SLC25A46: variants seen among roughly 807,000 people sequenced by gnomAD.
SLC25A46 encodes the protein mitochondrial outer membrane protein SLC25A46.
In SLC25A46, 39 loss-of-function variants were observed where a neutral mutation model predicts 44.6. The observed-to-expected ratio is 0.87, with a 90% CI of 0.68 to 1.14. The LOEUF (loss-of-function observed/expected upper bound fraction) is 1.14, where lower values mean the gene tolerates loss of function less well. SLC25A46 is among the 50% of genes most tolerant of loss of function. The pLI is 0.00. For synonymous variants in SLC25A46, 202 were observed against 185.8 expected (o/e 1.09, Z -0.71); for missense variants, 547 against 522.7 (o/e 1.05, Z -0.45).
In SLC25A46 at chr5:110,744,656, A is replaced by G. The variant is rs527363497; in HGVS notation, c.384+869A>G. Among the ~76,000 whole-genome samples the G allele has an allele frequency of 2.6e-5, 4 of 152,362 alleles. No individual in the cohort carries two copies. The East Asian group carries it at 5.8e-4, about 22-fold the overall frequency. The stretch of plus-strand genomic sequence containing the variant: ...ATTCTGAGTTTTAGTTGAAAATTCA[A>G]ACTTATCATTGACAGTAAATACTGT... On this transcript the variant is annotated intron_variant, in intron 3 of 7. Coordinates refer to ENST00000355943, the MANE Select transcript of SLC25A46 (RefSeq NM_138773.4).
rs768960064 is a variant in SLC25A46, at chr5:110,742,076, A to G, written c.313A>G (p.Ile105Val). ...EQLNRFAGFGIGLASLFTENV... is the reference protein window; with the variant it reads ...EQLNRFAGFGVGLASLFTENV... ...GCTGAATAGATTTGCTGGATTTGGTATTGGACTTGCAAGGTAATGTTTTAT... is the reference window on the plus strand; with the variant it reads ...GCTGAATAGATTTGCTGGATTTGGTGTTGGACTTGCAAGGTAATGTTTTAT... The change falls in exon 2 of 8, where the codon ATT becomes GTT. Residue 105 changes from isoleucine (I) to valine (V), a missense_variant. By Grantham distance (29) the Ile-to-Val change is conservative (BLOSUM62 3). Transcript: ENST00000355943. The G allele has an allele frequency of 6.4e-6, 10 of 1,573,710 alleles. No individual in the cohort carries two copies. The highest frequency in any genetic ancestry group is 7.8e-6 in the Non-Finnish European group (9 of 1,159,224).
chr5:110,759,930 C>T (rs373386200), intron 7 of SLC25A46, among the ~76,000 whole-genome samples: 9 of 152,114 alleles, frequency 5.9e-5, no homozygotes, highest in African/African-American at 2.2e-4. Flanking sequence ...TGCTCCTCCA[C>T]TCACGATGGG....
rs1005581605 is a variant in SLC25A46 at position 110,756,636 on chromosome 5, A to T, written c.621-66A>T. 36 of 1,047,754 alleles carry T rather than the reference A, an allele frequency of 3.4e-5. No individual in the cohort carries two copies. The African/African-American group carries it at 4.8e-4, about 14-fold the overall frequency. The allele number at this position is 1,047,754 out of a possible 1,614,324, so 64.9% of individuals were successfully genotyped here. On this transcript the variant is annotated intron_variant, in intron 6 of 7. Transcript: ENST00000355943. ...AAATTATGTTGACATATTAAAGCAG[A>T]TATTAAAAAATTTAGTATAAGCATC...
rs1271775443 is a variant in SLC25A46, at chr5:110,742,028, C to A, written c.284-19C>A. The A allele has an allele frequency of 2.0e-6, 3 of 1,509,904 alleles. 1 individual carries two copies. In the South Asian group the frequency reaches 3.7e-5, roughly 19 times the overall value. 93.5% of individuals were successfully genotyped at this position (1,509,904 alleles called of 1,614,324 possible). A position where few individuals can be genotyped will look rare whatever the true frequency, so the allele number is the denominator to read the frequency against. Reference sequence around the variant, plus strand: ...TATCAGTAATCTTATTTTTTTATTTCTATTTTTTTTTACTTTAGAACAGCT... The same window carrying A: ...TATCAGTAATCTTATTTTTTTATTTATATTTTTTTTTACTTTAGAACAGCT... On this transcript the variant is annotated intron_variant, in intron 1 of 7. Transcript: ENST00000355943.
At position 110,743,773 on chromosome 5, in the gene SLC25A46, C is replaced by T. The variant is rs750732884; in HGVS notation, c.370C>T (p.Arg124Cys). 23 of 1,605,202 alleles carry T rather than the reference C, an allele frequency of 1.4e-5. No homozygotes were observed. Among genetic ancestry groups the T allele is most frequent in the Non-Finnish European group, 1.8e-5 (21 of 1,174,646 alleles). ...ATTGGCACATCCTTGCATTGTTCTACGCCGCCAATGTCAGGTAAATGTAAT... is the reference window on the plus strand; with the variant it reads ...ATTGGCACATCCTTGCATTGTTCTATGCCGCCAATGTCAGGTAAATGTAAT... ...NVLAHPCIVL[R>C]RQCQVNYHAQ... The change falls in exon 3 of 8, where the codon CGC (arginine) becomes TGC (cysteine). Residue 124 changes from arginine (R) to cysteine (C), a missense_variant. Arg to Cys is a radical substitution (Grantham distance 180). Transcript: ENST00000355943.
At chr5:110,739,744 G>T (rs1799584842) in intron 1 of SLC25A46, among the ~76,000 whole-genome samples, 1 of 152,180 alleles carries the variant, frequency 6.6e-6, no homozygotes, top group Admixed American at 6.5e-5. Flanking sequence ...CTATTTTCTT[G>T]ATTTAATTAA....
intron 5 of SLC25A46, 35 bp downstream of exon 5, chr5:110,748,298 A>C (rs778989192): frequency 1.2e-5 from 18 of 1,541,478 alleles, no homozygotes; most frequent in African/African-American, 2.7e-5. Flanking sequence ...TATTAGTTTC[A>C]TGTGGTGATG....
intron 2 of SLC25A46, among the ~76,000 whole-genome samples, chr5:110,743,334 C>G (rs1799736694): frequency 6.6e-6 from 1 of 152,006 alleles, no homozygotes; most frequent in South Asian, 2.1e-4. Flanking sequence ...GATCAAATGA[C>G]TCTGCTGATA....
At chr5:110,742,443 T>C (rs1169129390) in intron 2 of SLC25A46, among the ~76,000 whole-genome samples, 1 of 152,040 alleles carries the variant, frequency 6.6e-6, no homozygotes, top group Non-Finnish European at 1.5e-5. Flanking sequence ...ATCAAATGGC[T>C]CTGCTGATAA....
At chr5:110,754,686 G>T (rs1325358870) in intron 5 of SLC25A46, 1 of 151,910 alleles carries the variant, frequency 6.6e-6, no homozygotes, top group Non-Finnish European at 1.5e-5. Context: ...TTTTGACCCT[G>T]ATTTTTCTCA....
intron 6 of SLC25A46, 64 bp downstream of exon 6, chr5:110,755,585 G>A (rs1295680404): frequency 2.0e-6 from 2 of 1,008,414 alleles, no homozygotes; most frequent in East Asian, 2.5e-5. Flanking sequence ...ATTAGAACTG[G>A]AAACAAATCT....
At position 110,739,067 on chromosome 5, in the gene SLC25A46, G is replaced by A. The variant is rs934318056; in HGVS notation, c.-53G>A. On this transcript the variant is annotated 5_prime_UTR_variant, in exon 1 of 8. Coordinates refer to ENST00000355943, the MANE Select transcript of SLC25A46 (RefSeq NM_138773.4). ...AGCTGTGTGTGCTTAGGTCGTGGTG[G>A]CCCCGGTGGTGGTGGGCTCCGGGCG... is the stretch of plus-strand genomic sequence containing the variant. 14 of 1,528,752 alleles carry A rather than the reference G, an allele frequency of 9.2e-6. No individual in the cohort carries two copies. In the African/African-American group the frequency reaches 1.9e-4, roughly 21 times the overall value. 94.7% of individuals were successfully genotyped at this position (1,528,752 alleles called of 1,614,324 possible). A position where few individuals can be genotyped will look rare whatever the true frequency, so the allele number is the denominator to read the frequency against.
intron 7 of SLC25A46, 44 bp downstream of exon 7, chr5:110,756,803 T>G: frequency 7.3e-7 from 1 of 1,363,708 alleles, no homozygotes; most frequent in Non-Finnish European, 9.9e-7. Flanking sequence ...TTAAGAATAG[T>G]TTTTTGACTA....
chr5:110,755,258 G>T, intron 5 of SLC25A46: 1 of 374,120 alleles, frequency 2.7e-6, no homozygotes, highest in Non-Finnish European at 4.8e-6. Context: ...CTATCAGCAC[G>T]TATGAAAACA....
At chr5:110,760,177 T>C (rs1204578218) in intron 7 of SLC25A46, among the ~76,000 whole-genome samples, 1 of 152,132 alleles carries the variant, frequency 6.6e-6, no homozygotes, top group African/African-American at 2.4e-5. Flanking sequence ...GACAGCAACC[T>C]TGGGGTTATC....
intron 7 of SLC25A46, among the ~76,000 whole-genome samples, chr5:110,759,598 G>A (rs1561608734): frequency 2.5e-5 from 1 of 39,556 alleles, no homozygotes; most frequent in Non-Finnish European, 7.4e-5. Context: ...TTGGTGCTAA[G>A]TAAGCAAGGG....
At chr5:110,755,289 A>C (rs1413812034) in intron 5 of SLC25A46, 176 bp from the exon 6 acceptor site, 1 of 450,764 alleles carries the variant, frequency 2.2e-6, no homozygotes, top group African/African-American at 2.1e-5. Context: ...TTTTCTCTCA[A>C]ACCATCACAG....
intron 2 of SLC25A46, among the ~76,000 whole-genome samples, chr5:110,742,590 A>G (rs1799718243): frequency 6.6e-6 from 1 of 152,084 alleles, no homozygotes; most frequent in Non-Finnish European, 1.5e-5. Flanking sequence ...AATATTGTGT[A>G]TTATATATTG....
intron 1 of SLC25A46, 41 bp downstream of exon 1, chr5:110,739,443 G>A: frequency 2.7e-6 from 4 of 1,501,540 alleles, no homozygotes; most frequent in Admixed American, 2.6e-5. Flanking sequence ...AGGGGTTACT[G>A]GGGCCGCGGC....
Sources: allele counts gnomAD v4.1 joint callset (sites outside exome capture counted in the v4.1 genomes callset), GRCh38; gene constraint gnomAD v4.1.1; transcripts MANE v1.5; gene names NCBI Gene and HGNC (gene_info 2026-07-23, HGNC 2026-07-21).